LARS2: variants seen among roughly 807,000 people sequenced by gnomAD.
LARS2 encodes the protein leucine--tRNA ligase, mitochondrial.
Under a neutral mutation model 116.6 loss-of-function variants are expected in LARS2, and 81 were observed. That is an observed-to-expected ratio of 0.69 (90% confidence interval 0.58 to 0.84). LARS2 has a LOEUF of 0.84. Ranked by LOEUF, LARS2 falls within the 40% of genes least tolerant of loss-of-function variation. The pLI, the probability that LARS2 is intolerant of heterozygous loss-of-function variation, is 0.00. For synonymous variants in LARS2, 396 were observed against 407.2 expected, an observed-to-expected ratio of 0.97 and a Z score of 0.33; for missense variants, 968 against 1,114.5, an observed-to-expected ratio of 0.87 and a Z score of 1.87.
chr3:45,530,806 G>A (rs963875618), intron 20 of LARS2, among the ~76,000 whole-genome samples: 2 of 152,098 alleles, frequency 1.3e-5, no homozygotes, highest in African/African-American at 4.8e-5. Context: ...TTTAACACCT[G>A]GCAGACTAGC....
At chr3:45,494,100 C>T (rs375923550) in intron 13 of LARS2, among the ~76,000 whole-genome samples, 5 of 152,254 alleles carry the variant, frequency 3.3e-5, no homozygotes, top group South Asian at 4.1e-4. Context: ...CTGGGTTCCC[C>T]GAGGGCTCTC....
chr3:45,437,901 G>T (rs1322730903), intron 6 of LARS2, among the ~76,000 whole-genome samples: 1 of 152,212 alleles, frequency 6.6e-6, no homozygotes, highest in East Asian at 1.9e-4. Flanking sequence ...TTCAGGAGGG[G>T]ATGAAGACAG....
chr3:45,402,767 T>C (rs1698174100), intron 4 of LARS2, among the ~76,000 whole-genome samples: 1 of 152,192 alleles, frequency 6.6e-6, no homozygotes. Context: ...GATGTTATTT[T>C]TCCCAGATAA....
In LARS2 at chr3:45,476,463, A is replaced by G. The variant is rs1172084473; in HGVS notation, c.859-5A>G. 2 of 1,613,936 alleles carry G rather than the reference A, an allele frequency of 1.2e-6. No individual in the cohort carries two copies. Among genetic ancestry groups the G allele is most frequent in the African/African-American group, 2.7e-5 (2 of 74,904 alleles). ...AATGACATCACTCTTCTTTCCTATC[A>G]CCAGGTTCATGGGCAAGCCACGGGC... On this transcript the variant is annotated splice_region_variant and splice_polypyrimidine_tract_variant and intron_variant, in intron 9 of 21. Coordinates refer to ENST00000645846, the MANE Select transcript of LARS2 (RefSeq NM_015340.4).
chr3:45,390,525 G>C (rs533830950), intron 1 of LARS2, among the ~76,000 whole-genome samples: 13 of 151,264 alleles, frequency 8.6e-5, no homozygotes, highest in Non-Finnish European at 1.6e-4. Context: ...TGTTAGCCAG[G>C]ATGGTCTCAA....
intron 7 of LARS2, 145 bp from the exon 8 acceptor site, chr3:45,458,598 A>G: frequency 2.8e-6 from 2 of 715,134 alleles, no homozygotes; most frequent in Non-Finnish European, 2.3e-6. Flanking sequence ...GAGGCAGGAG[A>G]ATCACAGGAA....
intron 6 of LARS2, among the ~76,000 whole-genome samples, chr3:45,424,606 C>G (rs1463763242): frequency 1.3e-5 from 2 of 152,198 alleles, no homozygotes; most frequent in African/African-American, 4.8e-5. Flanking sequence ...ATGGAGAAGT[C>G]TGAGAGCAGC....
chr3:45,428,239 GTTTTTTT>G (rs35323496), intron 6 of LARS2, among the ~76,000 whole-genome samples: 1 of 84,188 alleles, frequency 1.2e-5, no homozygotes, highest in African/African-American at 5.0e-5. Flanking sequence ...ATCTTAACCT[GTTTTTTT>G]TTTTTTTTTT....
At chr3:45,517,855 C>T in intron 17 of LARS2, 48 bp from the exon 18 acceptor site, 1 of 1,507,066 alleles carries the variant, frequency 6.6e-7, no homozygotes. Flanking sequence ...AGTCAATCAC[C>T]CTTATGTTGC....
At position 45,439,440 on chromosome 3, in the gene LARS2, T is replaced by C. The variant is rs1698867770; in HGVS notation, c.517-7451T>C. ...TTCACAATGTTGGCCAGGCTGTTCT[T>C]GAACTCCTTACCTCGTGATCCGCCC... On this transcript the variant is annotated intron_variant, in intron 6 of 21. Coordinates refer to ENST00000645846, the MANE Select transcript of LARS2 (RefSeq NM_015340.4). Among the ~76,000 whole-genome samples the C allele has an allele frequency of 2.0e-5, 3 of 151,934 alleles. No individual in the cohort carries two copies. In the South Asian group the frequency reaches 6.2e-4, roughly 32 times the overall value.
Position 45,393,495 on chromosome 3 carries a change from A to G in LARS2, c.-21-938A>G, listed in dbSNP as rs566304540. 5.3e-5 allele frequency among the ~76,000 whole-genome samples: 8 copies of G among 152,310 alleles called. No homozygotes were observed. The East Asian group carries it at 1.5e-3, about 29-fold the overall frequency. Reference sequence around the variant, plus strand: ...GAGGCTGAGGCAGGAGAATTGCTTGAACCCAGGAGGTGGAGGTTGCAGTGA... The same window carrying G: ...GAGGCTGAGGCAGGAGAATTGCTTGGACCCAGGAGGTGGAGGTTGCAGTGA... On this transcript the variant is annotated intron_variant, in intron 2 of 21. Coordinates refer to ENST00000645846, the MANE Select transcript of LARS2 (RefSeq NM_015340.4).
At chr3:45,397,559 T>C (rs576744218) in intron 3 of LARS2, among the ~76,000 whole-genome samples, 9 of 152,300 alleles carry the variant, frequency 5.9e-5, no homozygotes, top group Non-Finnish European at 7.4e-5. Context: ...AGGTGGAAAA[T>C]GTTTGGGGCA....
At chr3:45,400,499 A>G in intron 4 of LARS2, 126 bp downstream of exon 4, 2 of 884,426 alleles carry the variant, frequency 2.3e-6, no homozygotes, top group Non-Finnish European at 3.3e-6. Context: ...TTGAAGATGG[A>G]CATGAAAAGC....
At chr3:45,540,096 A>G (rs369210718) in intron 20 of LARS2, among the ~76,000 whole-genome samples, 48 of 148,858 alleles carry the variant, frequency 3.2e-4, no homozygotes, top group African/African-American at 1.2e-3. Context: ...CATCTCTACT[A>G]AAAATACAAA....
chr3:45,518,070 C>T lies in LARS2; in HGVS notation c.2212C>T (p.Gln738Ter), dbSNP rs540323523. 6.2e-7 allele frequency: 1 copy of T among 1,610,886 alleles called. No homozygotes were observed. The highest frequency in any genetic ancestry group is 8.5e-7 in the Non-Finnish European group (1 of 1,177,866). ...GGAGTACAAGAACTCCGTCATCTCT[C>T]AGGTCAGAAACTCTCCAATTCCAGG... ...LWEYKNSVIS[Q>*]VTTHFTEDFS... Residue 738 changes from glutamine to a stop codon, truncating the protein, a stop_gained and splice_region_variant, in exon 18 of 22, where the codon CAG becomes TAG. Coordinates refer to ENST00000645846, the MANE Select transcript of LARS2 (RefSeq NM_015340.4). LOFTEE classifies it high-confidence loss of function.
intron 7 of LARS2, among the ~76,000 whole-genome samples, chr3:45,450,118 A>T (rs552118523): frequency 2.0e-5 from 3 of 152,304 alleles, no homozygotes; most frequent in Admixed American, 1.3e-4. Context: ...GGGGGTTTTT[A>T]AATTAATATA....
intron 8 of LARS2, among the ~76,000 whole-genome samples, chr3:45,470,421 C>G (rs1342541276): frequency 2.0e-5 from 3 of 152,110 alleles, no homozygotes; most frequent in African/African-American, 7.2e-5. Flanking sequence ...GGTGCATGTT[C>G]TTAAACACTG....
chr3:45,435,944 C>G (rs932945291), intron 6 of LARS2, among the ~76,000 whole-genome samples: 3 of 147,258 alleles, frequency 2.0e-5, no homozygotes, highest in African/African-American at 7.4e-5. Flanking sequence ...AAATCCCTCA[C>G]CTCTGGTGAG....
At chr3:45,420,783 A>G (rs1312584974) in intron 6 of LARS2, among the ~76,000 whole-genome samples, 2 of 152,178 alleles carry the variant, frequency 1.3e-5, no homozygotes, top group Non-Finnish European at 2.9e-5. Flanking sequence ...AAATGGACTT[A>G]ATAACCCTTT....
Sources: allele counts gnomAD v4.1 joint callset (sites outside exome capture counted in the v4.1 genomes callset), GRCh38; gene constraint gnomAD v4.1.1; transcripts MANE v1.5; gene names NCBI Gene and HGNC (gene_info 2026-07-23, HGNC 2026-07-21).